Variants in MARCHF1 observed in about 807,000 individuals in gnomAD.
The protein encoded by MARCHF1 is E3 ubiquitin-protein ligase MARCHF1.
In MARCHF1, 40 loss-of-function variants were observed where a neutral mutation model predicts 54.2. The observed-to-expected ratio is 0.74, with a 90% CI of 0.57 to 0.96. The LOEUF (loss-of-function observed/expected upper bound fraction) is 0.96, where lower values mean the gene tolerates loss of function less well. Among genes scored for constraint, MARCHF1 ranks in the 40% least tolerant of loss-of-function variants. MARCHF1 has a pLI of 0.00. For missense variants in MARCHF1, 586 were observed against 656.5 expected (o/e 0.89, Z 1.17); for synonymous variants, 236 against 236.3 (o/e 1.00, Z 0.01).
At chr4:163,638,934 C>T (rs952355862) in intron 5 of MARCHF1, among the ~76,000 whole-genome samples, 5 of 151,998 alleles carry the variant, frequency 3.3e-5, no homozygotes, top group African/African-American at 1.2e-4. Context: ...AAGCCATTCA[C>T]AAAAAGTCAC....
chr4:163,949,573 T>G (rs536550111), intron 3 of MARCHF1, among the ~76,000 whole-genome samples: 1 of 152,338 alleles, frequency 6.6e-6, no homozygotes, highest in African/African-American at 2.4e-5. Context: ...AAGAATGAGT[T>G]ACACAGACAA....
At chr4:163,575,664 A>G (rs1740011805) in intron 8 of MARCHF1, among the ~76,000 whole-genome samples, 1 of 151,522 alleles carries the variant, frequency 6.6e-6, no homozygotes, top group Admixed American at 6.6e-5. Context: ...TTTAGCTGTA[A>G]ATCCATCTGG....
chr4:163,851,527 C>T lies in MARCHF1; in HGVS notation c.111+2494G>A, dbSNP rs553279623. ...ATCGTTTGATGAGGACAATGGCTAA[C>T]CAGAGATCACGGATTTGTGCTGAAA... On this transcript the variant is annotated intron_variant, in intron 4 of 9. Coordinates refer to ENST00000514618, the MANE Select transcript of MARCHF1 (RefSeq NM_001394959.1). Among the ~76,000 whole-genome samples, 7 of 152,300 alleles carry T rather than the reference C, an allele frequency of 4.6e-5. No individual in the cohort carries two copies. In the South Asian group the frequency reaches 1.0e-3, roughly 23 times the overall value.
At chr4:163,532,051 C>T (rs1309622154) in intron 9 of MARCHF1, among the ~76,000 whole-genome samples, 1 of 151,660 alleles carries the variant, frequency 6.6e-6, no homozygotes, top group African/African-American at 2.4e-5. Context: ...CAATACTATC[C>T]CATTCAGAAT....
intron 9 of MARCHF1, among the ~76,000 whole-genome samples, chr4:163,537,637 C>T (rs1738582765): frequency 6.6e-6 from 1 of 152,064 alleles, no homozygotes; most frequent in African/African-American, 2.4e-5. Context: ...AACTCTCTGC[C>T]CATCTTTACC....
At chr4:163,677,740 C>T (rs184146382) in intron 5 of MARCHF1, among the ~76,000 whole-genome samples, 12 of 152,322 alleles carry the variant, frequency 7.9e-5, no homozygotes, top group Admixed American at 3.3e-4. Context: ...TTGAGGACTA[C>T]GACTTTCTAC....
intron 2 of MARCHF1, among the ~76,000 whole-genome samples, chr4:164,009,437 C>T (rs1004687361): frequency 4.6e-5 from 7 of 152,190 alleles, no homozygotes; most frequent in South Asian, 2.1e-4. Context: ...CTTCTAAGCT[C>T]GTCTCACAAG....
chr4:163,665,662 T>C (rs1424177928), intron 5 of MARCHF1, among the ~76,000 whole-genome samples: 6 of 152,146 alleles, frequency 3.9e-5, no homozygotes, highest in African/African-American at 1.2e-4. Flanking sequence ...TCTTCCCTTT[T>C]GTTGTGAAAT....
chr4:164,076,451 T>C (rs1488339211), intron 2 of MARCHF1, among the ~76,000 whole-genome samples: 1 of 152,108 alleles, frequency 6.6e-6, no homozygotes, highest in Non-Finnish European at 1.5e-5. Flanking sequence ...ATGGGCAAAT[T>C]TGGAAGCATT....
chr4:163,960,154 G>A (rs190196336), intron 3 of MARCHF1, among the ~76,000 whole-genome samples: 20 of 151,946 alleles, frequency 1.3e-4, no homozygotes, highest in Admixed American at 3.3e-4. Context: ...AGTCAAAAAC[G>A]ACAGATGCTG....
At chr4:163,901,580 G>A (rs1430545795) in intron 3 of MARCHF1, among the ~76,000 whole-genome samples, 2 of 152,094 alleles carry the variant, frequency 1.3e-5, no homozygotes, top group African/African-American at 2.4e-5. Flanking sequence ...GTTTTAATAC[G>A]TTTTCAGCCC....
intron 4 of MARCHF1, among the ~76,000 whole-genome samples, chr4:163,759,103 T>G (rs1396441822): frequency 6.7e-6 from 1 of 150,248 alleles, no homozygotes; most frequent in Non-Finnish European, 1.5e-5. Flanking sequence ...CTCATTAATA[T>G]TCACTTTTTT....
rs544035670 is a variant in MARCHF1 at position 164,267,497 on chromosome 4, C to T, written c.-323+116373G>A. ...CCTGTTACAAGAAATTGATGATTGC[C>T]TGTAGCCAACCCTAAGTGAAGAACT... On this transcript the variant is annotated intron_variant, in intron 1 of 9. Coordinates refer to ENST00000514618, the MANE Select transcript of MARCHF1 (RefSeq NM_001394959.1). Among the ~76,000 whole-genome samples, 315 of 152,270 alleles carry T rather than the reference C, an allele frequency of 2.1e-3. 1 individual carries two copies. Among genetic ancestry groups the T allele is most frequent in the African/African-American group, 7.1e-3 (297 of 41,556 alleles).
chr4:164,255,241 TC>T (rs1733245372), intron 1 of MARCHF1, among the ~76,000 whole-genome samples: 1 of 152,146 alleles, frequency 6.6e-6, no homozygotes, highest in East Asian at 1.9e-4. Context: ...TATTGCAGCT[TC>T]CACAAGTCTA....
chr4:164,217,897 T>C (rs1253048683), intron 1 of MARCHF1, among the ~76,000 whole-genome samples: 1 of 151,956 alleles, frequency 6.6e-6, no homozygotes, highest in Non-Finnish European at 1.5e-5. Flanking sequence ...GGAGGTATTA[T>C]TATAACAAAA....
intron 1 of MARCHF1, among the ~76,000 whole-genome samples, chr4:164,177,247 G>C (rs1222112636): frequency 6.6e-6 from 1 of 151,648 alleles, no homozygotes; most frequent in African/African-American, 2.4e-5. Flanking sequence ...TTTGATCAAT[G>C]AATAATCTCA....
chr4:163,994,955 C>T (rs2110903068), intron 2 of MARCHF1, among the ~76,000 whole-genome samples: 1 of 152,200 alleles, frequency 6.6e-6, no homozygotes, highest in Middle Eastern at 3.4e-3. Flanking sequence ...CAGAAGACTT[C>T]TGTGACCAAA....
intron 1 of MARCHF1, among the ~76,000 whole-genome samples, chr4:164,324,804 G>A (rs952390949): frequency 4.0e-5 from 6 of 151,330 alleles, no homozygotes; most frequent in African/African-American, 1.4e-4. Flanking sequence ...GATTGAGGAA[G>A]AGATCAAAAG....
chr4:164,151,307 G>C (rs1054488885), intron 1 of MARCHF1, among the ~76,000 whole-genome samples: 7 of 152,160 alleles, frequency 4.6e-5, no homozygotes, highest in African/African-American at 1.2e-4. Flanking sequence ...AAGATTGGTT[G>C]CAAGTCCATT....
Sources: gnomAD v4.1 joint callset for allele counts (sites outside exome capture counted in the v4.1 genomes callset) on GRCh38, gnomAD v4.1.1 for gene constraint, MANE v1.5 for transcripts, NCBI Gene and HGNC (gene_info 2026-07-23, HGNC 2026-07-21) for gene names.